The following PDE4B variants were observed in gnomAD, a reference collection of about 807,000 sequenced individuals.
The protein encoded by PDE4B is 3',5'-cyclic-AMP phosphodiesterase 4B.
Under a neutral mutation model 82.2 loss-of-function variants are expected in PDE4B, and 20 were observed. The observed-to-expected ratio is 0.24, with a 90% CI of 0.17 to 0.35. The LOEUF (loss-of-function observed/expected upper bound fraction) is 0.35, where lower values mean the gene tolerates loss of function less well. Among genes scored for constraint, PDE4B ranks in the 10% least tolerant of loss-of-function variants. The pLI is 1.00. For synonymous variants in PDE4B, 320 were observed against 318.9 expected, an observed-to-expected ratio of 1.00 and a Z score of -0.04; for missense variants, 655 against 907.2, an observed-to-expected ratio of 0.72 and a Z score of 3.57.
At chr1:65,984,079 C>T (rs1332379505) in intron 3 of PDE4B, among the ~76,000 whole-genome samples, 1 of 152,104 alleles carries the variant, frequency 6.6e-6, no homozygotes, top group African/African-American at 2.4e-5. Context: ...CTAGAAACAG[C>T]CCAATTGTCC....
At chr1:66,311,730 G>A (rs1658684306) in intron 7 of PDE4B, among the ~76,000 whole-genome samples, 1 of 152,222 alleles carries the variant, frequency 6.6e-6, no homozygotes, top group Non-Finnish European at 1.5e-5. Context: ...AATGTCACCA[G>A]CATCATTTTC....
intron 1 of PDE4B, among the ~76,000 whole-genome samples, chr1:65,853,154 C>G (rs1646349956): frequency 1.3e-5 from 2 of 152,116 alleles, no homozygotes; most frequent in South Asian, 4.2e-4. Context: ...GTCCTAATTA[C>G]ATTCCTTGTT....
At chr1:65,958,267 G>A (rs1569816210) in intron 3 of PDE4B, among the ~76,000 whole-genome samples, 1 of 151,772 alleles carries the variant, frequency 6.6e-6, no homozygotes, top group Non-Finnish European at 1.5e-5. Context: ...TATTGATATG[G>A]TGATAAATAT....
chr1:66,128,137 T>C (rs910263356), intron 3 of PDE4B, among the ~76,000 whole-genome samples: 1 of 152,154 alleles, frequency 6.6e-6, no homozygotes, highest in Non-Finnish European at 1.5e-5. Context: ...AATTACTAAA[T>C]TTTTTTCAAA....
Position 65,967,323 on chromosome 1 carries a change from A to T in PDE4B, c.281+48488A>T, listed in dbSNP as rs571910183. ...TGGTCATTAGAGCAATGCAAATCAAAACCACAATGAGATACCATCTCACAC... is the reference window on the plus strand; with the variant it reads ...TGGTCATTAGAGCAATGCAAATCAATACCACAATGAGATACCATCTCACAC... On this transcript the variant is annotated intron_variant, in intron 3 of 16. Coordinates refer to ENST00000341517, the MANE Select transcript of PDE4B (RefSeq NM_002600.4). Among the ~76,000 whole-genome samples the T allele has an allele frequency of 2.0e-5, 3 of 152,330 alleles. No homozygotes were observed. The East Asian group carries it at 5.8e-4, about 29-fold the overall frequency.
intron 1 of PDE4B, among the ~76,000 whole-genome samples, chr1:65,811,958 G>A (rs2101201097): frequency 6.6e-6 from 1 of 152,058 alleles, no homozygotes; most frequent in Middle Eastern, 3.4e-3. Context: ...AAAAAGTAAA[G>A]CCAAACAAAC....
chr1:66,017,633 T>G (rs1211435468), intron 3 of PDE4B, among the ~76,000 whole-genome samples: 4 of 152,146 alleles, frequency 2.6e-5, no homozygotes, highest in Non-Finnish European at 5.9e-5. Context: ...TTTTCTTGCT[T>G]TAATAGCTTC....
chr1:66,338,092 C>T (rs1407388775), intron 8 of PDE4B, among the ~76,000 whole-genome samples: 1 of 152,212 alleles, frequency 6.6e-6, no homozygotes, highest in East Asian at 1.9e-4. Flanking sequence ...AAACATTGTG[C>T]TAAGCTCTTT....
chr1:66,316,317 A>C (rs1030848362), intron 7 of PDE4B, among the ~76,000 whole-genome samples: 2 of 152,256 alleles, frequency 1.3e-5, no homozygotes, highest in South Asian at 4.1e-4. Flanking sequence ...GAAATCTTCC[A>C]AACTAGATAA....
intron 12 of PDE4B, 60 bp from the exon 13 acceptor site, chr1:66,365,607 A>G (rs1235337829): frequency 3.2e-6 from 3 of 923,410 alleles, no homozygotes; most frequent in Non-Finnish European, 3.5e-6. Flanking sequence ...TACAAATGAA[A>G]CTGAATAAGC....
chr1:65,939,298 C>A lies in PDE4B; in HGVS notation c.281+20463C>A, dbSNP rs148571061. The stretch of plus-strand genomic sequence containing the variant: ...CAAGTCTAGCTATACTAGGTTCTGG[C>A]CAAATCATGCCCTTGAAATGAAGAG... On this transcript the variant is annotated intron_variant, in intron 3 of 16. Coordinates refer to ENST00000341517, the MANE Select transcript of PDE4B (RefSeq NM_002600.4). Among the ~76,000 whole-genome samples, 436 of 152,170 alleles carry A rather than the reference C, an allele frequency of 2.9e-3. 1 individual carries two copies. The highest frequency in any genetic ancestry group is 6.5e-3 in the Admixed American group (99 of 15,266).
intron 3 of PDE4B, among the ~76,000 whole-genome samples, chr1:66,219,812 T>C (rs1236570391): frequency 1.3e-5 from 2 of 152,150 alleles, no homozygotes; most frequent in Admixed American, 6.6e-5. Context: ...TGAGCCACAT[T>C]GTTAACAATA....
intron 3 of PDE4B, among the ~76,000 whole-genome samples, chr1:65,934,748 G>GT (rs1352921113): frequency 6.6e-6 from 1 of 152,102 alleles, no homozygotes; most frequent in African/African-American, 2.4e-5. Flanking sequence ...CAAAATATAT[G>GT]TAAAGTAAAA....
At chr1:65,894,152 A>G (rs1488124373) in intron 1 of PDE4B, among the ~76,000 whole-genome samples, 2 of 152,136 alleles carry the variant, frequency 1.3e-5, no homozygotes, top group African/African-American at 2.4e-5. Context: ...TGAAATAAAA[A>G]AAAAGAAAAA....
At chr1:66,350,730 T>G (rs893835617) in intron 8 of PDE4B, among the ~76,000 whole-genome samples, 7 of 152,206 alleles carry the variant, frequency 4.6e-5, no homozygotes, top group African/African-American at 1.7e-4. Flanking sequence ...ATAGTGCCTA[T>G]CTTGCCTGCG....
intron 8 of PDE4B, among the ~76,000 whole-genome samples, chr1:66,338,450 T>C (rs1557710138): frequency 6.6e-6 from 1 of 152,210 alleles, no homozygotes; most frequent in Non-Finnish European, 1.5e-5. Flanking sequence ...TGGCCATTAA[T>C]TGCCCTAAGC....
intron 1 of PDE4B, among the ~76,000 whole-genome samples, chr1:65,842,236 A>G (rs534482705): frequency 2.6e-5 from 4 of 152,182 alleles, no homozygotes; most frequent in Non-Finnish European, 5.9e-5. Flanking sequence ...AATAAATACT[A>G]TGTATGGTCT....
intron 3 of PDE4B, among the ~76,000 whole-genome samples, chr1:65,933,327 A>T (rs1445289744): frequency 6.6e-6 from 1 of 152,146 alleles, no homozygotes; most frequent in South Asian, 2.1e-4. Context: ...AATTAAAAAA[A>T]AAAAACCTGC....
At position 65,975,230 on chromosome 1, in the gene PDE4B, G is replaced by A. The variant is rs546695493; in HGVS notation, c.281+56395G>A. Among the ~76,000 whole-genome samples, 17 of 152,330 alleles carry A rather than the reference G, an allele frequency of 1.1e-4. 1 individual carries two copies. The South Asian group carries it at 2.7e-3, about 24-fold the overall frequency. ...CTATGTTTTAGCAAAGAGACTGGTG[G>A]CATTTTGCACCTGCCCTAGAGATCT... On this transcript the variant is annotated intron_variant, in intron 3 of 16. Transcript: ENST00000341517.
Sources: allele counts gnomAD v4.1 joint callset (sites outside exome capture counted in the v4.1 genomes callset), GRCh38; gene constraint gnomAD v4.1.1; transcripts MANE v1.5; gene names NCBI Gene and HGNC (gene_info 2026-07-23, HGNC 2026-07-21).